Variants in LBP observed in about 807,000 individuals in gnomAD.
LBP encodes the protein lipopolysaccharide binding protein.
In LBP, 53 loss-of-function variants were observed where a neutral mutation model predicts 56.6. That is an observed-to-expected ratio of 0.94 (90% CI 0.75 to 1.18). The LOEUF is 1.18. LBP is among the 50% of genes most tolerant of loss of function. The pLI is 0.00. For missense variants in LBP, 601 were observed against 598.3 expected (o/e 1.00, Z -0.05); for synonymous variants, 227 against 247.5 (o/e 0.92, Z 0.78).
rs764223691 is a variant in LBP, at chr20:38,370,740, C to T, written c.1152C>T (p.Ala384=). 1 of 1,613,966 alleles carries T rather than the reference C, an allele frequency of 6.2e-7. No individual in the cohort carries two copies. Among genetic ancestry groups the T allele is most frequent in the South Asian group, 1.1e-5 (1 of 91,066 alleles). The change falls in exon 11 of 15, where the codon GCC becomes GCT. Residue 384 remains alanine (A), a splice_region_variant and synonymous_variant. Coordinates refer to ENST00000217407, the MANE Select transcript of LBP (RefSeq NM_004139.5). ...CTTCCTTCTTCTGGCATTTCCAGGC[C>T]ACTAATGTGTCCGCCACCTTGACCT... The part of the protein sequence containing the change: ...SKEPVFRLSV[A]TNVSATLTFN...
At position 38,354,288 on chromosome 20, in the gene LBP, C is replaced by A. The variant is rs2232585; in HGVS notation, c.373C>A (p.Leu125Ile). Reference protein sequence around the residue: ...RWKVRKSFFKLQGSFDVSVKG... With the variant: ...RWKVRKSFFKIQGSFDVSVKG... ...GGCTTCTCTTACCTCCTCCAGCAAA[C>A]TACAGGGCTCCTTTGATGTCAGTGT... Residue 125 changes from leucine (L) to isoleucine (I), a missense_variant, in exon 4 of 15, where the codon CTA (leucine) becomes ATA (isoleucine). Transcript: ENST00000217407. 3.9e-3 allele frequency: 6,278 copies of A among 1,612,580 alleles called. 73 individuals are homozygous for A. The highest frequency in any genetic ancestry group is 0.038 in the Admixed American group (2,256 of 59,838).
chr20:38,371,169 A>C, intron 11 of LBP, 111 bp from the exon 12 acceptor site: 2 of 775,928 alleles, frequency 2.6e-6, no homozygotes, highest in East Asian at 2.5e-5. Context: ...CTCCCGCCCT[A>C]CCTTTGGCCC....
intron 8 of LBP, among the ~76,000 whole-genome samples, chr20:38,366,006 T>C (rs1312752176): frequency 2.6e-5 from 4 of 152,130 alleles, no homozygotes; most frequent in Non-Finnish European, 4.4e-5. Flanking sequence ...TGGCTTTGTA[T>C]AAGGGAGACT....
chr20:38,368,179 T>A (rs941058680), intron 9 of LBP, among the ~76,000 whole-genome samples: 30 of 152,308 alleles, frequency 2.0e-4, no homozygotes, highest in African/African-American at 6.7e-4. Flanking sequence ...CACTGGCATC[T>A]GACCTCAGCA....
Position 38,376,746 on chromosome 20 carries a change from A to T in LBP, c.*77A>T, listed in dbSNP as rs2083961559. ...TCCAGCTGTGCAGCACGTCTCAGAG[A>T]TTCTTGAAGAATGAAGACATTTCTG... On this transcript the variant is annotated 3_prime_UTR_variant, in exon 15 of 15. Transcript: ENST00000217407. 3 of 1,399,558 alleles carry T rather than the reference A, an allele frequency of 2.1e-6. No individual in the cohort carries two copies. In the Admixed American group the frequency reaches 5.0e-5, roughly 23 times the overall value. 86.7% of individuals were successfully genotyped at this position (1,399,558 alleles called of 1,614,324 possible). A position where few individuals can be genotyped will look rare whatever the true frequency, so the allele number is the denominator to read the frequency against.
chr20:38,366,634 C>A, intron 8 of LBP, 135 bp from the exon 9 acceptor site: 3 of 799,922 alleles, frequency 3.8e-6, no homozygotes, highest in Non-Finnish European at 6.5e-6. Context: ...GCAGGACAGG[C>A]ATCTCCTCCC....
intron 14 of LBP, among the ~76,000 whole-genome samples, chr20:38,374,666 T>C (rs969574500): frequency 3.3e-5 from 5 of 151,620 alleles, no homozygotes; most frequent in Admixed American, 3.3e-4. Flanking sequence ...TTAGGTCAGG[T>C]TCTGAAAGTC....
chr20:38,363,884 C>A (rs2076870678), intron 6 of LBP, 91 bp from the exon 7 acceptor site: 3 of 902,968 alleles, frequency 3.3e-6, no homozygotes, highest in Non-Finnish European at 5.5e-6. Context: ...AAGAAAGTCA[C>A]AGGGAATGTG....
intron 6 of LBP, among the ~76,000 whole-genome samples, chr20:38,361,856 C>G: frequency 6.6e-6 from 1 of 151,738 alleles, no homozygotes; most frequent in East Asian, 1.9e-4. Context: ...CTGGTGTCCC[C>G]CTCGGTCACT....
In LBP at chr20:38,370,768, A is replaced by G; in HGVS notation, c.1180A>G (p.Asn394Asp). Residue 394 changes from asparagine to aspartate, a missense_variant, in exon 11 of 15, where the codon AAT becomes GAT. Physicochemically the swap from Asn to Asp is conservative, Grantham distance 23 (BLOSUM62 1). Coordinates refer to ENST00000217407, the MANE Select transcript of LBP (RefSeq NM_004139.5). ...ATNVSATLTF[N>D]TSKITGFLKP... ...TAATGTGTCCGCCACCTTGACCTTC[A>G]ATACCAGCAAGATCACTGGGTTCCT... 6.2e-7 allele frequency: 1 copy of G among 1,614,028 alleles called. No individual in the cohort carries two copies. Among genetic ancestry groups the G allele is most frequent in the Non-Finnish European group, 8.5e-7 (1 of 1,180,004 alleles).
Position 38,369,074 on chromosome 20 carries a change from G to T in LBP, c.1061G>T (p.Gly354Val). ...PSAPLLNFSP[G>V]NLSVDPYMEI... ...GCTCCGCTCCTGAACTTCAGCCCTG[G>T]GAATCTGTCTGTGGACCCCTATATG... The change falls in exon 10 of 15, where the codon GGG (glycine) becomes GTG (valine). Residue 354 changes from glycine (G) to valine (V), a missense_variant. Physicochemically the swap from Gly to Val is moderately radical, Grantham distance 109. Transcript: ENST00000217407. 1 of 1,614,138 alleles carries T rather than the reference G, an allele frequency of 6.2e-7. No individual in the cohort carries two copies. Among genetic ancestry groups the T allele is most frequent in the Non-Finnish European group, 8.5e-7 (1 of 1,180,026 alleles).
At chr20:38,371,442 G>T in intron 12 of LBP, 120 bp downstream of exon 12, 1 of 752,836 alleles carries the variant, frequency 1.3e-6, no homozygotes. Flanking sequence ...TTTTTGCCCT[G>T]CAGAAGTGTA....
At chr20:38,348,779 TTTA>T (rs1274586509) in intron 1 of LBP, among the ~76,000 whole-genome samples, 36 of 133,554 alleles carry the variant, frequency 2.7e-4, no homozygotes, top group African/African-American at 1.0e-3. Context: ...TTTAGTTTAG[TTTA>T]GTTTAGTTTT....
chr20:38,366,859 A>T, intron 9 of LBP, 31 bp downstream of exon 9: 1 of 1,591,096 alleles, frequency 6.3e-7, no homozygotes, highest in Non-Finnish European at 8.6e-7. Context: ...CCATGAGTGC[A>T]GACCGAGCCT....
intron 5 of LBP, among the ~76,000 whole-genome samples, chr20:38,357,588 A>T (rs1302706476): frequency 1.3e-5 from 2 of 152,132 alleles, no homozygotes; most frequent in Non-Finnish European, 1.5e-5. Flanking sequence ...ACCTCAAGAG[A>T]GTGTTCTTGG....
At chr20:38,370,603 G>A in intron 10 of LBP, 135 bp from the exon 11 acceptor site, 1 of 745,964 alleles carries the variant, frequency 1.3e-6, no homozygotes, top group East Asian at 2.5e-5. Context: ...GGGAGTCTAT[G>A]ATCTAGTGGG....
intron 8 of LBP, among the ~76,000 whole-genome samples, chr20:38,365,891 G>A (rs777950614): frequency 4.6e-4 from 70 of 151,756 alleles, no homozygotes; most frequent in Non-Finnish European, 1.2e-4. Flanking sequence ...CAAACCTGTC[G>A]GGGAGCTTCC....
chr20:38,371,280 G>C lies in LBP; in HGVS notation c.1218G>C (p.Lys406Asn). 6.2e-7 allele frequency: 1 copy of C among 1,610,646 alleles called. No individual in the cohort carries two copies. The highest frequency in any genetic ancestry group is 8.5e-7 in the Non-Finnish European group (1 of 1,177,358). Residue 406 changes from lysine (K) to asparagine (N), a missense_variant and splice_region_variant, in exon 12 of 15, where the codon AAG becomes AAC. Coordinates refer to ENST00000217407, the MANE Select transcript of LBP (RefSeq NM_004139.5). ...SKITGFLKPG[K>N]VKVELKESKV... ...TTTAATCTTCTCTGATTCATTACAG[G>C]GTAAAAGTGGAACTGAAAGAATCCA... is the stretch of plus-strand genomic sequence containing the variant.
chr20:38,355,347 T>C lies in LBP; in HGVS notation c.526T>C (p.Trp176Arg). ...VEVDMSGDLG[W>R]LLNLFHNQIE... The stretch of plus-strand genomic sequence containing the variant: ...GGCAGACTGTGCTTCTCTCCCCAGG[T>C]GGCTGTTGAACCTCTTCCACAACCA... The change falls in exon 5 of 15, where the codon TGG becomes CGG. Residue 176 changes from tryptophan (W) to arginine (R), a missense_variant and splice_region_variant. Coordinates refer to ENST00000217407, the MANE Select transcript of LBP (RefSeq NM_004139.5). 2 of 1,613,740 alleles carry C rather than the reference T, an allele frequency of 1.2e-6. No individual in the cohort carries two copies. The highest frequency in any genetic ancestry group is 1.1e-5 in the South Asian group (1 of 91,082).
Sources: allele counts gnomAD v4.1 joint callset (sites outside exome capture counted in the v4.1 genomes callset), GRCh38; gene constraint gnomAD v4.1.1; transcripts MANE v1.5; gene names NCBI Gene and HGNC (gene_info 2026-07-23, HGNC 2026-07-21).